Variants in CPVL observed in about 807,000 individuals in gnomAD.
CPVL encodes the protein probable serine carboxypeptidase CPVL.
In CPVL, 51 loss-of-function variants were observed where a neutral mutation model predicts 63.7. The observed-to-expected ratio is 0.80, with a 90% confidence interval of 0.64 to 1.01. The LOEUF (loss-of-function observed/expected upper bound fraction) is 1.01. Ranked by LOEUF, CPVL falls within the 50% of genes least tolerant of loss-of-function variation. The probability of loss-of-function intolerance (pLI) is 0.00; values close to 1 mark genes in which losing one functional copy is unlikely to be tolerated. For synonymous variants in CPVL, 195 were observed against 206.0 expected, an observed-to-expected ratio of 0.95 and a Z score of 0.46; for missense variants, 530 against 573.1, an observed-to-expected ratio of 0.92 and a Z score of 0.77.
At chr7:29,077,696 A>G (rs1359270431) in intron 7 of CPVL, among the ~76,000 whole-genome samples, 3 of 152,194 alleles carry the variant, frequency 2.0e-5, no homozygotes, top group Non-Finnish European at 1.5e-5. Flanking sequence ...CAGTCATATC[A>G]TTCCCTTGTT....
chr7:29,195,246 T>C (rs1783532124), exon 1 of CPVL: 1 of 420,524 alleles, frequency 2.4e-6, no homozygotes, highest in East Asian at 3.9e-5. Flanking sequence ...TTCCGGGGCT[T>C]GGAGTGCAGC....
intron 1 of CPVL, among the ~76,000 whole-genome samples, chr7:29,140,544 A>G (rs1001832319): frequency 2.6e-5 from 4 of 152,198 alleles, no homozygotes; most frequent in African/African-American, 9.7e-5. Context: ...GTGCCCCACT[A>G]CAAATAAACA....
At chr7:29,194,328 C>G (rs1379181631) in intron 1 of CPVL, 1 of 152,194 alleles carries the variant, frequency 6.6e-6, no homozygotes, top group Non-Finnish European at 1.5e-5. Flanking sequence ...GTCCAGCAGT[C>G]CGCAGCCTCC....
At chr7:29,083,326 C>T (rs1350695258) in intron 7 of CPVL, among the ~76,000 whole-genome samples, 2 of 152,230 alleles carry the variant, frequency 1.3e-5, no homozygotes, top group Non-Finnish European at 2.9e-5. Flanking sequence ...TCATTTCCAA[C>T]TCTCAGGCCT....
intron 1 of CPVL, among the ~76,000 whole-genome samples, chr7:29,130,417 T>C (rs530644389): frequency 6.6e-6 from 1 of 152,226 alleles, no homozygotes; most frequent in South Asian, 2.1e-4. Context: ...AGATTTTATC[T>C]GTCTATATTA....
intron 11 of CPVL, 42 bp downstream of exon 11, chr7:29,064,019 A>C: frequency 7.0e-7 from 1 of 1,427,104 alleles, no homozygotes; most frequent in Non-Finnish European, 9.7e-7. Flanking sequence ...GCTCTGGGTA[A>C]TCTGAAAGTT....
intron 5 of CPVL, among the ~76,000 whole-genome samples, chr7:29,154,286 G>A (rs1452877043): frequency 6.6e-6 from 1 of 152,160 alleles, no homozygotes; most frequent in East Asian, 1.9e-4. Context: ...CAACAGCAGT[G>A]TAAATGCTGG....
chr7:29,096,144 A>G lies in CPVL; in HGVS notation c.362T>C (p.Phe121Ser). ...GPGGSSMFGLFVEHGPYVVTS... is the reference protein window; with the variant it reads ...GPGGSSMFGLSVEHGPYVVTS... ...GACAACATAAGGCCCATGTTCCACAAAGAGTCCAAACATGGATGAACCTCC... is the reference window on the plus strand; with the variant it reads ...GACAACATAAGGCCCATGTTCCACAGAGAGTCCAAACATGGATGAACCTCC... Residue 121 changes from phenylalanine to serine, a missense_variant, in exon 4 of 13, where the codon TTT (phenylalanine) becomes TCT (serine). Transcript: ENST00000265394. 1 of 1,614,198 alleles carries G rather than the reference A, an allele frequency of 6.2e-7. No homozygotes were observed. Among genetic ancestry groups the G allele is most frequent in the African/African-American group, 1.3e-5 (1 of 75,064 alleles).
chr7:29,130,917 T>C (rs7783479), intron 1 of CPVL, among the ~76,000 whole-genome samples: 20,514 of 152,262 alleles, frequency 0.13, 1,380 homozygotes, highest in African/African-American at 0.15. Context: ...GGATTTCTAG[T>C]GTACTTCTTT....
intron 7 of CPVL, among the ~76,000 whole-genome samples, chr7:29,084,449 T>C: frequency 6.6e-6 from 1 of 152,250 alleles, no homozygotes; most frequent in Non-Finnish European, 1.5e-5. Context: ...TCTCCAGCCC[T>C]TGCCCTACTG....
chr7:29,181,600 T>TA (rs1307494619), intron 4 of CPVL, among the ~76,000 whole-genome samples: 14 of 152,204 alleles, frequency 9.2e-5, no homozygotes, highest in Non-Finnish European at 1.5e-5. Flanking sequence ...TAGGAATCTA[T>TA]AAGACATAGG....
chr7:29,190,209 G>A (rs1229281510), intron 1 of CPVL, among the ~76,000 whole-genome samples: 1 of 152,216 alleles, frequency 6.6e-6, no homozygotes, highest in Non-Finnish European at 1.5e-5. Flanking sequence ...CAGCAAAAGA[G>A]CATTTTGATG....
In CPVL at chr7:29,003,187, C is replaced by G. The variant is rs201591649; in HGVS notation, c.1321-7305G>C. Among the ~76,000 whole-genome samples the G allele has an allele frequency of 1.0e-2, 353 of 35,392 alleles. 2 individuals are homozygous for G. Among genetic ancestry groups the G allele is most frequent in the Non-Finnish European group, 0.013 (258 of 19,338 alleles). The allele number at this position is 35,392 out of a possible 152,430, so 23.2% of individuals were successfully genotyped here. On this transcript the variant is annotated intron_variant, in intron 12 of 12. Coordinates refer to ENST00000265394, the MANE Select transcript of CPVL (RefSeq NM_031311.5). Reference sequence around the variant, plus strand: ...ACACACACACACACACACACACACACAGAGAGAATAGCATTTTGCTAAAAG... The same window carrying G: ...ACACACACACACACACACACACACAGAGAGAGAATAGCATTTTGCTAAAAG...
chr7:29,133,193 CAAAA>C (rs1333159770), intron 1 of CPVL, among the ~76,000 whole-genome samples: 1 of 90,704 alleles, frequency 1.1e-5, no homozygotes. Flanking sequence ...TTTCTGAAGG[CAAAA>C]AAAAAAAAAA....
At chr7:29,140,534 G>C (rs114384274) in intron 1 of CPVL, among the ~76,000 whole-genome samples, 1 of 152,178 alleles carries the variant, frequency 6.6e-6, no homozygotes, top group Non-Finnish European at 1.5e-5. Context: ...ATGCAGTTCT[G>C]TGCCCCACTA....
chr7:29,060,873 C>T (rs1275160288), intron 11 of CPVL, among the ~76,000 whole-genome samples: 3 of 152,168 alleles, frequency 2.0e-5, no homozygotes, highest in Non-Finnish European at 4.4e-5. Context: ...TTTAATGGTA[C>T]TAACGTTTTA....
chr7:29,094,953 A>G, intron 5 of CPVL, 131 bp downstream of exon 5: 2 of 711,504 alleles, frequency 2.8e-6, no homozygotes. Flanking sequence ...AAATGGTTTT[A>G]ATTTTACAGA....
chr7:29,068,763 T>C (rs1433494482), intron 9 of CPVL, among the ~76,000 whole-genome samples: 2 of 150,476 alleles, frequency 1.3e-5, no homozygotes, highest in Non-Finnish European at 3.0e-5. Context: ...GGCGCGATCT[T>C]GGCTCACTGC....
intron 1 of CPVL, among the ~76,000 whole-genome samples, chr7:29,139,978 T>C (rs1791681080): frequency 6.6e-6 from 1 of 152,252 alleles, no homozygotes. Context: ...CAGGGAGATA[T>C]TTCCCACGGT....
Sources: allele counts gnomAD v4.1 joint callset (sites outside exome capture counted in the v4.1 genomes callset), GRCh38; gene constraint gnomAD v4.1.1; transcripts MANE v1.5; gene names NCBI Gene and HGNC (gene_info 2026-07-23, HGNC 2026-07-21).